The following ACSL1 variants were observed in gnomAD, a reference collection of about 807,000 sequenced individuals.
ACSL1 encodes acyl-CoA synthetase long chain family member 1, also known as long-chain-fatty-acid--CoA ligase 1.
Under a neutral mutation model 98.4 loss-of-function variants are expected in ACSL1, and 41 were observed. The ratio of observed to expected loss-of-function variants is 0.42; its 90% CI spans 0.32 to 0.54. The LOEUF is 0.54. Ranked by LOEUF, ACSL1 falls within the 20% of genes least tolerant of loss-of-function variation. The pLI is 0.13. For synonymous variants in ACSL1, 316 were observed against 322.7 expected (o/e 0.98, Z 0.22); for missense variants, 734 against 883.1 (o/e 0.83, Z 2.14).
At chr4:184,826,046 C>A, upstream of ACSL1, 1 of 148,144 alleles carries the variant, frequency 6.8e-6, no homozygotes, top group South Asian at 1.9e-4. Context: ...CCCCCGCCAC[C>A]GCCGCGGCTG....
chr4:184,776,368 G>C, intron 7 of ACSL1, 116 bp downstream of exon 7: 1 of 1,179,320 alleles, frequency 8.5e-7, no homozygotes, highest in Non-Finnish European at 1.2e-6. Context: ...GGGTTGCGGA[G>C]GCAACCGGCC....
chr4:184,801,477 A>G (rs1770512388), intron 2 of ACSL1, among the ~76,000 whole-genome samples: 1 of 152,216 alleles, frequency 6.6e-6, no homozygotes, highest in South Asian at 2.1e-4. Context: ...TGCCAGATGC[A>G]CAGGCTCTTC....
At chr4:184,789,098 C>T (rs749216007) in intron 2 of ACSL1, among the ~76,000 whole-genome samples, 6 of 152,246 alleles carry the variant, frequency 3.9e-5, no homozygotes, top group African/African-American at 7.2e-5. Context: ...CGGCCACCTG[C>T]GGAACAGCTG....
At chr4:184,785,069 T>C (rs1454338705) in intron 3 of ACSL1, among the ~76,000 whole-genome samples, 1 of 152,242 alleles carries the variant, frequency 6.6e-6, no homozygotes, top group East Asian at 1.9e-4. Flanking sequence ...CTGGCTGTTT[T>C]TGTAGACACA....
At chr4:184,795,335 C>T (rs735948) in intron 2 of ACSL1, among the ~76,000 whole-genome samples, 15,396 of 152,192 alleles carry the variant, frequency 0.1, 957 homozygotes, top group Non-Finnish European at 0.14. Context: ...CACGCATTTC[C>T]GTCCTTTATG....
intron 1 of ACSL1, among the ~76,000 whole-genome samples, chr4:184,814,690 A>C (rs1332035650): frequency 1.3e-5 from 2 of 152,162 alleles, no homozygotes; most frequent in African/African-American, 2.4e-5. Flanking sequence ...CAGGTCAGTT[A>C]ATGTCCTCCT....
chr4:184,771,859 G>C (rs1764563448), intron 10 of ACSL1, among the ~76,000 whole-genome samples: 1 of 152,174 alleles, frequency 6.6e-6, no homozygotes, highest in Admixed American at 6.5e-5. Flanking sequence ...ACTGGATGTG[G>C]GCTGAGCATG....
chr4:184,776,741 C>A, intron 6 of ACSL1, 79 bp from the exon 7 acceptor site: 1 of 1,512,250 alleles, frequency 6.6e-7, no homozygotes, highest in Non-Finnish European at 9.0e-7. Flanking sequence ...CACAAGGATA[C>A]TTGAAGTACT....
chr4:184,788,489 TG>T, intron 3 of ACSL1, 127 bp downstream of exon 3: 1 of 760,548 alleles, frequency 1.3e-6, no homozygotes, highest in East Asian at 2.6e-5. Flanking sequence ...AAAGTTACAG[TG>T]GACACAGAGG....
intron 3 of ACSL1, among the ~76,000 whole-genome samples, chr4:184,786,955 G>A (rs1448208018): frequency 6.6e-6 from 1 of 152,138 alleles, no homozygotes; most frequent in African/African-American, 2.4e-5. Flanking sequence ...GCCTCCCAAA[G>A]TGCTGGGATT....
intron 15 of ACSL1, 69 bp downstream of exon 15, chr4:184,764,784 C>T: frequency 7.1e-7 from 1 of 1,399,208 alleles, no homozygotes; most frequent in Non-Finnish European, 9.8e-7. Context: ...GTGATTAACC[C>T]AATTCCAGAC....
intron 1 of ACSL1, among the ~76,000 whole-genome samples, chr4:184,815,933 C>A (rs1561248923): frequency 6.6e-6 from 1 of 151,976 alleles, no homozygotes; most frequent in African/African-American, 2.4e-5. Flanking sequence ...CCAGCCTGGC[C>A]AACATGGCGA....
chr4:184,815,547 C>T lies in ACSL1; in HGVS notation c.-33+10369G>A, dbSNP rs1394863475. On this transcript the variant is annotated intron_variant, in intron 1 of 20. Coordinates refer to ENST00000281455, the MANE Select transcript of ACSL1 (RefSeq NM_001995.5). ...CCTTGTCTTCAAGGAGTCCACAGCA[C>T]CCCACAGCTCGCAGAGGTCACAGCT... Among the ~76,000 whole-genome samples the T allele has an allele frequency of 3.9e-5, 6 of 152,174 alleles. No individual in the cohort carries two copies. In the East Asian group the frequency reaches 1.2e-3, roughly 29 times the overall value.
rs571318909 is a variant in ACSL1, at chr4:184,796,172, C to A, written c.195+7148G>T. Among the ~76,000 whole-genome samples, 28 of 152,304 alleles carry A rather than the reference C, an allele frequency of 1.8e-4. 1 individual carries two copies. The South Asian group carries it at 4.4e-3, about 24-fold the overall frequency. On this transcript the variant is annotated intron_variant, in intron 2 of 20. Coordinates refer to ENST00000281455, the MANE Select transcript of ACSL1 (RefSeq NM_001995.5). ...TTTGAAAAGACTAGACTGGCTTAGC[C>A]TCCCAGCCTACATCTTTCTCCCGTG...
intron 3 of ACSL1, 31 bp downstream of exon 3, chr4:184,788,586 G>A (rs201786935): frequency 2.1e-5 from 32 of 1,544,806 alleles, no homozygotes; most frequent in South Asian, 3.3e-5. Flanking sequence ...CACGGCGAGC[G>A]GGAGCCACGC....
Position 184,803,459 on chromosome 4 carries a change from C to G in ACSL1, c.56G>C (p.Arg19Pro). Reference protein sequence around the residue: ...YFRMPELVDFRQYVRTLPTNT... With the variant: ...YFRMPELVDFPQYVRTLPTNT... ...GGTCGGAAGAGTACGCACGTACTGTCGGAAGTCAACCAGCTCTGGCATTCG... is the reference window on the plus strand; with the variant it reads ...GGTCGGAAGAGTACGCACGTACTGTGGGAAGTCAACCAGCTCTGGCATTCG... Residue 19 changes from arginine (R) to proline (P), a missense_variant, in exon 2 of 21, where the codon CGA becomes CCA. Transcript: ENST00000281455. This position sits in a 1 kb window ranked among gnomAD's most constrained non-coding sequence, Gnocchi z 4.8. 6.2e-7 allele frequency: 1 copy of G among 1,612,012 alleles called. No homozygotes were observed. The highest frequency in any genetic ancestry group is 1.1e-5 in the South Asian group (1 of 90,876).
At chr4:184,785,575 C>T (rs544412924) in intron 3 of ACSL1, among the ~76,000 whole-genome samples, 85 of 112,694 alleles carry the variant, frequency 7.5e-4, no homozygotes, top group African/African-American at 2.8e-3. Context: ...AAAATCAAAG[C>T]TTAGAATAAA....
Position 184,787,805 on chromosome 4 carries a change from G to A in ACSL1, c.310+812C>T, listed in dbSNP as rs1446432225. ...CTTGAACCCAGGAGGTGTAGGCTGC[G>A]GTGAGCCAAGATCATGCCATTGCAC... On this transcript the variant is annotated intron_variant, in intron 3 of 20. Transcript: ENST00000281455. 3.3e-5 allele frequency among the ~76,000 whole-genome samples: 5 copies of A among 151,712 alleles called. No individual in the cohort carries two copies. The South Asian group carries it at 8.4e-4, about 25-fold the overall frequency.
At position 184,757,325 on chromosome 4, in the gene ACSL1, C is replaced by A; in HGVS notation, c.1957-60G>T. The stretch of plus-strand genomic sequence containing the variant: ...GGACACGGGCCACCAGTCTCAAAAG[C>A]ACGTAAGCCTTGGAGGGGATCAACA... On this transcript the variant is annotated intron_variant, in intron 20 of 20. Coordinates refer to ENST00000281455, the MANE Select transcript of ACSL1 (RefSeq NM_001995.5). The surrounding 1 kb of genome is among the most constrained non-coding windows in gnomAD (Gnocchi z 4.5). 1 of 1,549,056 alleles carries A rather than the reference C, an allele frequency of 6.5e-7. No individual in the cohort carries two copies.
Sources: allele counts gnomAD v4.1 joint callset (sites outside exome capture counted in the v4.1 genomes callset), GRCh38; gene constraint gnomAD v4.1.1; non-coding constraint Gnocchi (gnomAD v3.1); transcripts MANE v1.5; gene names NCBI Gene and HGNC (gene_info 2026-07-23, HGNC 2026-07-21).